The following GRM7 variants were observed in gnomAD, a reference collection of about 807,000 sequenced individuals.
GRM7 encodes the protein metabotropic glutamate receptor 7.
In GRM7, 35 loss-of-function variants were observed where a neutral mutation model predicts 84.5. That is an observed-to-expected ratio of 0.41 (90% CI 0.32 to 0.55). The LOEUF is 0.55. GRM7 is among the 20% of genes least tolerant of loss of function. The pLI, the probability that GRM7 is intolerant of heterozygous loss-of-function variation, is 0.19. For synonymous variants in GRM7, 487 were observed against 455.1 expected, an observed-to-expected ratio of 1.07 and a Z score of -0.89; for missense variants, 1,003 against 1,194.6, an observed-to-expected ratio of 0.84 and a Z score of 2.36.
chr3:7,678,490 C>T (rs1303653568), intron 8 of GRM7, among the ~76,000 whole-genome samples: 3 of 152,032 alleles, frequency 2.0e-5, no homozygotes, highest in Non-Finnish European at 4.4e-5. Flanking sequence ...AGCCCTGTGA[C>T]CATGTAAAGC....
chr3:7,448,140 G>A (rs370271503), intron 5 of GRM7, among the ~76,000 whole-genome samples: 23 of 151,514 alleles, frequency 1.5e-4, no homozygotes, highest in East Asian at 1.4e-3. Flanking sequence ...TTCTTAATCC[G>A]GTCTATCATT....
At chr3:7,093,507 G>C (rs754636064) in intron 1 of GRM7, among the ~76,000 whole-genome samples, 1 of 150,888 alleles carries the variant, frequency 6.6e-6, no homozygotes, top group Non-Finnish European at 1.5e-5. Flanking sequence ...GTGAAACCCC[G>C]TCTCTAATAA....
chr3:7,518,682 C>G (rs892303342), intron 7 of GRM7, among the ~76,000 whole-genome samples: 1 of 152,194 alleles, frequency 6.6e-6, no homozygotes, highest in African/African-American at 2.4e-5. Flanking sequence ...CAAGCACCAG[C>G]TGATCATACT....
chr3:7,740,388 T>TA lies in GRM7; in HGVS notation c.2732dup (p.Asn911LysfsTer2). The TA allele has an allele frequency of 6.3e-7, 1 of 1,586,048 alleles. No individual in the cohort carries two copies. Among genetic ancestry groups the TA allele is most frequent in the Non-Finnish European group, 8.6e-7 (1 of 1,160,394 alleles). ...CTGCAAAAAAGAAGTATGTCAGTTA[T>TA]AATAACCTGGTTATCTAACCTGTTC... On this transcript the variant is annotated frameshift_variant, in exon 10 of 10. Coordinates refer to ENST00000357716, the MANE Select transcript of GRM7 (RefSeq NM_000844.4). LOFTEE classifies it high-confidence loss of function.
intron 6 of GRM7, among the ~76,000 whole-genome samples, chr3:7,456,060 A>C (rs1697996753): frequency 6.6e-6 from 1 of 152,072 alleles, no homozygotes; most frequent in Non-Finnish European, 1.5e-5. Flanking sequence ...GATGTTGCAG[A>C]ATTTCCTAAT....
chr3:6,862,035 C>A lies in GRM7; in HGVS notation c.519+128C>A. The A allele has an allele frequency of 1.4e-6, 1 of 717,640 alleles. No individual in the cohort carries two copies. The allele number at this position is 717,640 out of a possible 1,614,324, so 44.5% of individuals were successfully genotyped here. On this transcript the variant is annotated intron_variant, in intron 1 of 9. Coordinates refer to ENST00000357716, the MANE Select transcript of GRM7 (RefSeq NM_000844.4). The surrounding 1 kb of genome is among the most constrained non-coding windows in gnomAD (Gnocchi z 5.2). ...GCTCATTTCCTCCCTGGAGATCCTG[C>A]CGAATCCCTCCCACCCCGCTCGAGG...
In GRM7 at chr3:7,270,059, A is replaced by T. The variant is rs1698796290; in HGVS notation, c.737-28625A>T. Among the ~76,000 whole-genome samples the T allele has an allele frequency of 2.0e-5, 3 of 152,160 alleles. No homozygotes were observed. The South Asian group carries it at 6.2e-4, about 31-fold the overall frequency. ...CTAGGTCCCACGCCCAGAGTTTCTG[A>T]CTCAGTAGATGTTGGAGAAAGGCCA... On this transcript the variant is annotated intron_variant, in intron 2 of 9. Transcript: ENST00000357716.
chr3:7,526,701 TATGTGGTG>T (rs370548418), intron 7 of GRM7, among the ~76,000 whole-genome samples: 118 of 152,098 alleles, frequency 7.8e-4, no homozygotes, highest in African/African-American at 2.5e-3. Flanking sequence ...TTAATTTTTG[TATGTGGTG>T]AGAGGTAGAG....
At chr3:7,293,451 G>A (rs1189736636) in intron 2 of GRM7, among the ~76,000 whole-genome samples, 9 of 152,104 alleles carry the variant, frequency 5.9e-5, no homozygotes, top group African/African-American at 1.2e-4. Context: ...CTTTGACAGC[G>A]GACATTCTCA....
chr3:7,008,047 A>G (rs1276920404), intron 1 of GRM7, among the ~76,000 whole-genome samples: 1 of 152,114 alleles, frequency 6.6e-6, no homozygotes, highest in Non-Finnish European at 1.5e-5. Context: ...CTAACAAGCA[A>G]GTAAAAGATG....
At chr3:7,210,977 G>A (rs1453388850) in intron 2 of GRM7, among the ~76,000 whole-genome samples, 1 of 152,136 alleles carries the variant, frequency 6.6e-6, no homozygotes, top group African/African-American at 2.4e-5. Context: ...GTGGTGCTAA[G>A]TCATAGGAAG....
chr3:7,480,764 A>G (rs1324176808), intron 7 of GRM7, among the ~76,000 whole-genome samples: 2 of 152,128 alleles, frequency 1.3e-5, no homozygotes, highest in East Asian at 1.9e-4. Flanking sequence ...GATCATTGGG[A>G]TACGTGTTGA....
At chr3:7,314,722 T>G (rs1242917219) in intron 4 of GRM7, among the ~76,000 whole-genome samples, 2 of 152,152 alleles carry the variant, frequency 1.3e-5, no homozygotes, top group Non-Finnish European at 2.9e-5. Context: ...TTAAGATAAT[T>G]GATTTAAATT....
intron 4 of GRM7, among the ~76,000 whole-genome samples, chr3:7,357,493 T>C (rs1299115747): frequency 2.6e-5 from 4 of 152,102 alleles, no homozygotes; most frequent in East Asian, 1.9e-4. Flanking sequence ...TACAGACATA[T>C]TTTTTCCTCT....
intron 9 of GRM7, among the ~76,000 whole-genome samples, chr3:7,724,442 A>G (rs993617271): frequency 1.3e-5 from 2 of 152,148 alleles, no homozygotes; most frequent in East Asian, 1.9e-4. Context: ...CCCACATTCA[A>G]TAAGTTTAGA....
chr3:7,395,713 G>A (rs1383566321), intron 4 of GRM7, among the ~76,000 whole-genome samples: 1 of 151,994 alleles, frequency 6.6e-6, no homozygotes, highest in Non-Finnish European at 1.5e-5. Context: ...CTTCTTATTC[G>A]CTTTCCACCA....
intron 8 of GRM7, among the ~76,000 whole-genome samples, chr3:7,614,168 G>C (rs1433639068): frequency 6.6e-6 from 1 of 152,124 alleles, no homozygotes; most frequent in Non-Finnish European, 1.5e-5. Flanking sequence ...AGGAGGCCGA[G>C]GCTGGAGAAT....
chr3:7,489,562 G>A (rs1486836265), intron 7 of GRM7, among the ~76,000 whole-genome samples: 1 of 152,268 alleles, frequency 6.6e-6, no homozygotes, highest in South Asian at 2.1e-4. Flanking sequence ...TAAGGGTGGT[G>A]CTTCAGGTGA....
At chr3:7,380,967 T>G (rs999272113) in intron 4 of GRM7, among the ~76,000 whole-genome samples, 1 of 152,162 alleles carries the variant, frequency 6.6e-6, no homozygotes, top group African/African-American at 2.4e-5. Flanking sequence ...CCGTGTGTTT[T>G]GAAGTCATAA....
Sources: gnomAD v4.1 joint callset for allele counts (sites outside exome capture counted in the v4.1 genomes callset) on GRCh38, gnomAD v4.1.1 for gene constraint, Gnocchi (gnomAD v3.1) non-coding constraint, MANE v1.5 for transcripts, NCBI Gene and HGNC (gene_info 2026-07-23, HGNC 2026-07-21) for gene names.